Variants in PCDHGB2 observed in about 807,000 individuals in gnomAD.
PCDHGB2 encodes the protein protocadherin gamma subfamily B, 2, also known as protocadherin gamma-B2.
Under a neutral mutation model 59.3 loss-of-function variants are expected in PCDHGB2, and 55 were observed. That is an observed-to-expected ratio of 0.93 (90% CI 0.75 to 1.16). The LOEUF (loss-of-function observed/expected upper bound fraction) is 1.16. Ranked by LOEUF, PCDHGB2 falls within the 50% of genes most tolerant of loss-of-function variation. PCDHGB2 has a pLI of 0.00. For synonymous variants in PCDHGB2, 516 were observed against 512.0 expected (o/e 1.01, Z -0.11); for missense variants, 1,228 against 1,198.5 (o/e 1.02, Z -0.36).
Position 141,362,250 on chromosome 5 carries a change from C to A in PCDHGB2, c.2115C>A (p.Leu705=), listed in dbSNP as rs997382173. 5 of 1,614,018 alleles carry A rather than the reference C, an allele frequency of 3.1e-6. No individual in the cohort carries two copies. The highest frequency in any genetic ancestry group is 4.2e-6 in the Non-Finnish European group (5 of 1,179,896). Residue 705 remains leucine, a synonymous_variant, in exon 1 of 4, where the codon CTC becomes CTA. Transcript: ENST00000522605. ...CCTTGATCTCAGTGCTCTTCTTCCT[C>A]GCGGTGATTCTGGCAATCTCCCTGC... ...ALALISVLFF[L]AVILAISLRL...
chr5:141,377,430 T>C (rs1308051444), intron 1 of PCDHGB2: 1 of 151,886 alleles, frequency 6.6e-6, no homozygotes, highest in Non-Finnish European at 1.5e-5. Context: ...ACTCTGTCTC[T>C]ACCAAAAAGA....
In PCDHGB2 at chr5:141,431,159, C is replaced by A. The variant is rs1017606383; in HGVS notation, c.2422-63648C>A. On this transcript the variant is annotated intron_variant, in intron 1 of 3. Coordinates refer to ENST00000522605, the MANE Select transcript of PCDHGB2 (RefSeq NM_018923.3). The surrounding 1 kb of genome is among the most constrained non-coding windows in gnomAD (Gnocchi z 4.8). The stretch of plus-strand genomic sequence containing the variant: ...CATTAACGACAATGCGCCTTACTTT[C>A]GTGAAAGTGAATTAGAAATAAAAAT... The A allele has an allele frequency of 6.2e-7, 1 of 1,614,158 alleles. No homozygotes were observed. The highest frequency in any genetic ancestry group is 1.3e-5 in the African/African-American group (1 of 75,046).
intron 1 of PCDHGB2, among the ~76,000 whole-genome samples, chr5:141,397,601 T>C (rs1225684125): frequency 5.3e-5 from 8 of 152,198 alleles, no homozygotes; most frequent in Admixed American, 3.3e-4. Flanking sequence ...ATATTGCCAG[T>C]GACAAGGGCA....
chr5:141,483,243 ATATATCATGAGGTTTTTTTGTT>A (rs555469799), intron 1 of PCDHGB2, among the ~76,000 whole-genome samples: 11 of 151,654 alleles, frequency 7.3e-5, no homozygotes, highest in African/African-American at 2.2e-4. Context: ...ACTGATATGC[ATATATCATGAGGTTTTTTTGTT>A]TTAGAAATAT....
rs1460626002 is a variant in PCDHGB2, at chr5:141,486,935, C to A, written c.2422-7872C>A. ...ACTGCCTCCATCAGTTGGTGCTGGC[C>A]ACCTAATCACAAAGGTGACTGCTGT... On this transcript the variant is annotated intron_variant, in intron 1 of 3. Transcript: ENST00000522605. This position sits in a 1 kb window ranked among gnomAD's most constrained non-coding sequence, Gnocchi z 5.0. 5 of 1,614,228 alleles carry A rather than the reference C, an allele frequency of 3.1e-6. No individual in the cohort carries two copies. The highest frequency in any genetic ancestry group is 4.2e-6 in the Non-Finnish European group (5 of 1,180,038).
At position 141,410,285 on chromosome 5, in the gene PCDHGB2, G is replaced by T. The variant is rs746596172; in HGVS notation, c.2421+47729G>T. 7 of 1,614,010 alleles carry T rather than the reference G, an allele frequency of 4.3e-6. No homozygotes were observed. The Admixed American group carries it at 1.2e-4, about 27-fold the overall frequency. ...TGAACTGCAGTTTTACCTGGTGGTGGCCTTGGCCTTAATCTCAGTGCTCTT... is the reference window on the plus strand; with the variant it reads ...TGAACTGCAGTTTTACCTGGTGGTGTCCTTGGCCTTAATCTCAGTGCTCTT... On this transcript the variant is annotated intron_variant, in intron 1 of 3. Coordinates refer to ENST00000522605, the MANE Select transcript of PCDHGB2 (RefSeq NM_018923.3).
chr5:141,417,230 T>C (rs2096097492), intron 1 of PCDHGB2: 1 of 152,210 alleles, frequency 6.6e-6, no homozygotes, highest in Non-Finnish European at 1.5e-5. Context: ...AAAAAATTTG[T>C]TGCTTATCTT....
intron 1 of PCDHGB2, chr5:141,408,940 A>G: frequency 1.2e-6 from 2 of 1,613,658 alleles, no homozygotes; most frequent in Non-Finnish European, 1.7e-6. Context: ...GCAGAGACGA[A>G]TATAGAATTA....
intron 1 of PCDHGB2, chr5:141,408,352 C>T: frequency 6.2e-7 from 1 of 1,613,918 alleles, no homozygotes; most frequent in South Asian, 1.1e-5. Flanking sequence ...TGGGGAACCT[C>T]GCTAAGGATC....
rs1206130340 is a variant in PCDHGB2, at chr5:141,473,814, G to A, written c.2422-20993G>A. On this transcript the variant is annotated intron_variant, in intron 1 of 3. Coordinates refer to ENST00000522605, the MANE Select transcript of PCDHGB2 (RefSeq NM_018923.3). ...GTATGATGCTACTGAGGAGCAGCTG[G>A]ACAATTGTGTGATCCAATTAAAATT... Among the ~76,000 whole-genome samples, 5 of 152,188 alleles carry A rather than the reference G, an allele frequency of 3.3e-5. No individual in the cohort carries two copies. The East Asian group carries it at 9.6e-4, about 29-fold the overall frequency.
chr5:141,414,000 A>C (rs759228883), intron 1 of PCDHGB2: 20 of 1,613,400 alleles, frequency 1.2e-5, no homozygotes, highest in Non-Finnish European at 1.6e-5. Flanking sequence ...ACAGGGACGA[A>C]GGTGCCAATG....
At chr5:141,458,662 C>A (rs948275548) in intron 1 of PCDHGB2, among the ~76,000 whole-genome samples, 2 of 152,064 alleles carry the variant, frequency 1.3e-5, no homozygotes, top group Non-Finnish European at 2.9e-5. Flanking sequence ...CTCCACCTCT[C>A]GGGTTCAAGC....
intron 1 of PCDHGB2, chr5:141,422,115 T>G: frequency 6.2e-7 from 1 of 1,605,004 alleles, no homozygotes; most frequent in Non-Finnish European, 8.5e-7. Context: ...TCCAATTGGA[T>G]TCACAAACTG....
chr5:141,471,893 T>G (rs1289667371), intron 1 of PCDHGB2, among the ~76,000 whole-genome samples: 1 of 152,166 alleles, frequency 6.6e-6, no homozygotes, highest in African/African-American at 2.4e-5. Flanking sequence ...CTAGGAAGAT[T>G]GACTACAGAC....
rs1284442105 is a variant in PCDHGB2, at chr5:141,362,516, G to C, written c.2381G>C (p.Gly794Ala). 6.2e-7 allele frequency: 1 copy of C among 1,613,984 alleles called. No homozygotes were observed. Among genetic ancestry groups the C allele is most frequent in the Admixed American group, 1.7e-5 (1 of 60,024 alleles). ...NASWEQNTNHGAAGVPFASDT... is the reference protein window; with the variant it reads ...NASWEQNTNHAAAGVPFASDT... ...TCTTGGGAACAAAATACAAATCATG[G>C]AGCCGCTGGGGTCCCTTTTGCCTCA... The change falls in exon 1 of 4, where the codon GGA becomes GCA. Residue 794 changes from glycine to alanine, a missense_variant. This residue lies in a region of PCDHGB2 where 433 missense variants were observed against 441.8 expected (regional missense o/e 0.98). Coordinates refer to ENST00000522605, the MANE Select transcript of PCDHGB2 (RefSeq NM_018923.3).
At position 141,505,403 on chromosome 5, in the gene PCDHGB2, G is replaced by A; in HGVS notation, c.2491G>A (p.Gly831Ser). The A allele has an allele frequency of 6.2e-7, 1 of 1,614,186 alleles. No individual in the cohort carries two copies. The highest frequency in any genetic ancestry group is 8.5e-7 in the Non-Finnish European group (1 of 1,180,038). ...QRPGTSGSQN[G>S]DDTGTWPNNQ... ...CTACTCTCTCCCCAGCTCCCAAAAT[G>A]GCGATGACACCGGCACCTGGCCCAA... Residue 831 changes from glycine (G) to serine (S), a missense_variant, in exon 3 of 4, where the codon GGC (glycine) becomes AGC (serine). This residue lies in a region of PCDHGB2 where 433 missense variants were observed against 441.8 expected (regional missense o/e 0.98). Coordinates refer to ENST00000522605, the MANE Select transcript of PCDHGB2 (RefSeq NM_018923.3).
intron 1 of PCDHGB2, chr5:141,371,951 C>A: frequency 6.2e-7 from 1 of 1,613,306 alleles, no homozygotes; most frequent in Non-Finnish European, 8.5e-7. Flanking sequence ...CGCAGCGAGC[C>A]TTCGACCACG....
At position 141,370,970 on chromosome 5, in the gene PCDHGB2, A is replaced by G. The variant is rs773655204; in HGVS notation, c.2421+8414A>G. The G allele has an allele frequency of 4.3e-6, 7 of 1,614,032 alleles. 1 individual carries two copies. Among genetic ancestry groups the G allele is most frequent in the East Asian group, 4.5e-5 (2 of 44,890 alleles). The stretch of plus-strand genomic sequence containing the variant: ...AGAACCTGGATGGCAGTAGGTACCC[A>G]GAGCTAGTACTGAAAGCACCCCTGG... On this transcript the variant is annotated intron_variant, in intron 1 of 3. Transcript: ENST00000522605.
intron 1 of PCDHGB2, chr5:141,478,401 T>G: frequency 6.2e-7 from 1 of 1,613,480 alleles, no homozygotes; most frequent in South Asian, 1.1e-5. Context: ...CAGGTGTATC[T>G]CACCACGGAC....
Sources: allele counts gnomAD v4.1 joint callset (sites outside exome capture counted in the v4.1 genomes callset), GRCh38; gene constraint gnomAD v4.1.1; regional missense constraint gnomAD v4.1.1; non-coding constraint Gnocchi (gnomAD v3.1); transcripts MANE v1.5; gene names NCBI Gene and HGNC (gene_info 2026-07-23, HGNC 2026-07-21).